KSR2: variants seen among roughly 807,000 people sequenced by gnomAD.
KSR2 encodes the protein kinase suppressor of ras 2.
In KSR2, 25 loss-of-function variants were observed where a neutral mutation model predicts 107.8. That is an observed-to-expected ratio of 0.23 (90% CI 0.17 to 0.32). KSR2 has a LOEUF of 0.32. Ranked by LOEUF, KSR2 falls within the 10% of genes least tolerant of loss-of-function variation. KSR2 has a pLI of 1.00. For synonymous variants in KSR2, 480 were observed against 507.0 expected, an observed-to-expected ratio of 0.95 and a Z score of 0.71; for missense variants, 887 against 1,268.9, an observed-to-expected ratio of 0.70 and a Z score of 4.57.
intron 1 of KSR2, among the ~76,000 whole-genome samples, chr12:117,876,174 C>T (rs895154737): frequency 1.3e-5 from 2 of 152,232 alleles, no homozygotes; most frequent in Non-Finnish European, 2.9e-5. Context: ...GCCTTCCCGC[C>T]GTTGCCAGGG....
intron 3 of KSR2, among the ~76,000 whole-genome samples, 160 bp from the exon 4 acceptor site, chr12:117,761,684 C>A (rs907929118): frequency 3.9e-5 from 6 of 152,104 alleles, no homozygotes; most frequent in African/African-American, 1.4e-4. Flanking sequence ...CATGTTATCT[C>A]ATATGCAAAT....
chr12:117,556,030 G>A (rs910952014), intron 8 of KSR2, among the ~76,000 whole-genome samples: 2 of 152,024 alleles, frequency 1.3e-5, no homozygotes, highest in African/African-American at 2.4e-5. Flanking sequence ...TTTAAGCTCC[G>A]GATTGACCCA....
chr12:117,507,629 C>T (rs971322097), intron 14 of KSR2, among the ~76,000 whole-genome samples: 5 of 152,130 alleles, frequency 3.3e-5, no homozygotes, highest in African/African-American at 1.2e-4. Flanking sequence ...GCCCCATCTG[C>T]CTTCAGACAG....
At chr12:117,944,457 A>T (rs1309953127) in intron 1 of KSR2, among the ~76,000 whole-genome samples, 2 of 152,172 alleles carry the variant, frequency 1.3e-5, no homozygotes, top group Non-Finnish European at 2.9e-5. Context: ...CACATATTGC[A>T]TGATTTCATT....
At chr12:117,834,499 C>T (rs1417673140) in intron 3 of KSR2, among the ~76,000 whole-genome samples, 2 of 151,884 alleles carry the variant, frequency 1.3e-5, no homozygotes, top group East Asian at 1.9e-4. Flanking sequence ...AGAAACTGTC[C>T]TGAGTAGATT....
At chr12:117,472,685 T>A (rs1410883785) in intron 17 of KSR2, among the ~76,000 whole-genome samples, 1 of 152,184 alleles carries the variant, frequency 6.6e-6, no homozygotes, top group African/African-American at 2.4e-5. Flanking sequence ...GGGGTGGTGA[T>A]GCTCAGGTGT....
chr12:117,707,648 A>T (rs996988545), intron 4 of KSR2, among the ~76,000 whole-genome samples: 2 of 152,210 alleles, frequency 1.3e-5, no homozygotes, highest in Non-Finnish European at 2.9e-5. Context: ...CACAGAGAGT[A>T]CTAAGCATTG....
At chr12:117,747,579 A>G (rs1183979510) in intron 4 of KSR2, among the ~76,000 whole-genome samples, 1 of 150,268 alleles carries the variant, frequency 6.7e-6, no homozygotes, top group Non-Finnish European at 1.5e-5. Context: ...CTGCACATGT[A>G]TCCCGGAACT....
At chr12:117,764,904 A>G (rs1413169602) in intron 3 of KSR2, among the ~76,000 whole-genome samples, 1 of 152,272 alleles carries the variant, frequency 6.6e-6, no homozygotes, top group Non-Finnish European at 1.5e-5. Flanking sequence ...TATGAGGATC[A>G]GATGCACAAA....
chr12:117,582,488 C>A, intron 5 of KSR2, 129 bp from the exon 6 acceptor site: 3 of 704,470 alleles, frequency 4.3e-6, no homozygotes, highest in Non-Finnish European at 7.5e-6. Flanking sequence ...CTTGCTAAAC[C>A]AAAGCCAAGT....
At chr12:117,645,765 G>A (rs977722433) in intron 5 of KSR2, among the ~76,000 whole-genome samples, 19 of 152,122 alleles carry the variant, frequency 1.2e-4, no homozygotes, top group African/African-American at 4.1e-4. Context: ...AATACAGTGG[G>A]TGGAGAAGCC....
intron 3 of KSR2, among the ~76,000 whole-genome samples, chr12:117,835,452 TG>T (rs1372153688): frequency 6.6e-6 from 1 of 152,198 alleles, no homozygotes; most frequent in Non-Finnish European, 1.5e-5. Flanking sequence ...TATGGTTTTC[TG>T]TGCTTTACAG....
intron 1 of KSR2, among the ~76,000 whole-genome samples, chr12:117,944,029 C>T (rs890853294): frequency 2.0e-5 from 3 of 152,178 alleles, no homozygotes; most frequent in African/African-American, 7.2e-5. Context: ...GATAGTGAGG[C>T]TTCCCCAGCT....
intron 4 of KSR2, among the ~76,000 whole-genome samples, chr12:117,725,073 C>T (rs1887366431): frequency 7.5e-6 from 1 of 132,526 alleles, no homozygotes; most frequent in South Asian, 2.7e-4. Flanking sequence ...CCCTCTCTCT[C>T]TCTCTCTCTC....
chr12:117,755,502 G>A (rs1185642961), intron 4 of KSR2, among the ~76,000 whole-genome samples: 1 of 152,086 alleles, frequency 6.6e-6, no homozygotes, highest in African/African-American at 2.4e-5. Context: ...GCCACAAACC[G>A]TGCCCATATG....
At chr12:117,703,797 C>T (rs1886417191) in intron 4 of KSR2, among the ~76,000 whole-genome samples, 1 of 152,196 alleles carries the variant, frequency 6.6e-6, no homozygotes, top group Admixed American at 6.5e-5. Flanking sequence ...TCCTCCCAAT[C>T]AGGATGCTGA....
intron 5 of KSR2, among the ~76,000 whole-genome samples, chr12:117,584,796 C>A (rs1445691798): frequency 6.6e-6 from 1 of 152,180 alleles, no homozygotes; most frequent in African/African-American, 2.4e-5. Flanking sequence ...GCATTTTATA[C>A]CTGGAAGCTA....
At chr12:117,895,497 T>C (rs1894483418) in intron 1 of KSR2, among the ~76,000 whole-genome samples, 1 of 152,158 alleles carries the variant, frequency 6.6e-6, no homozygotes, top group Non-Finnish European at 1.5e-5. Context: ...TGTTGGAATC[T>C]GGCATTTTTT....
chr12:117,889,168 C>T (rs902672699), intron 1 of KSR2, among the ~76,000 whole-genome samples: 1 of 152,144 alleles, frequency 6.6e-6, no homozygotes, highest in Admixed American at 6.5e-5. Context: ...CGGTGTGCCC[C>T]TTCCGCAGCT....
Sources: gnomAD v4.1 joint callset for allele counts (sites outside exome capture counted in the v4.1 genomes callset) on GRCh38, gnomAD v4.1.1 for gene constraint, MANE v1.5 for transcripts, NCBI Gene and HGNC (gene_info 2026-07-23, HGNC 2026-07-21) for gene names.